The following AGAP1 variants were observed in gnomAD, a reference collection of about 807,000 sequenced individuals.
The protein encoded by AGAP1 is arf-GAP with GTPase, ANK repeat and PH domain-containing protein 1.
AGAP1 carries 29 observed loss-of-function variants against 105.3 expected under a neutral mutation model. The ratio of observed to expected loss-of-function variants is 0.28; its 90% CI spans 0.21 to 0.38. AGAP1 has a LOEUF of 0.38. Among genes scored for constraint, AGAP1 ranks in the 10% least tolerant of loss-of-function variants. The probability of loss-of-function intolerance (pLI) is 1.00; values close to 1 mark genes in which losing one functional copy is unlikely to be tolerated. For synonymous variants in AGAP1, 509 were observed against 485.9 expected (o/e 1.05, Z -0.63); for missense variants, 998 against 1,165.1 (o/e 0.86, Z 2.09).
In AGAP1 at chr2:236,089,139, G is replaced by A. The variant is rs148119705; in HGVS notation, c.2115-31053G>A. On this transcript the variant is annotated intron_variant, in intron 16 of 17. Coordinates refer to ENST00000304032, the MANE Select transcript of AGAP1 (RefSeq NM_001037131.3). The surrounding 1 kb of genome is among the most constrained non-coding windows in gnomAD (Gnocchi z 5.6). ...AAAGGGTCCAAGTCAGACCGCTCAC[G>A]TGGGTGGCAGCGTCCAAGTCCAGTT... Among the ~76,000 whole-genome samples the A allele has an allele frequency of 1.2e-4, 19 of 152,354 alleles. No individual in the cohort carries two copies. The highest frequency in any genetic ancestry group is 6.2e-4 in the South Asian group (3 of 4,830).
rs1377689003 is a variant in AGAP1, at chr2:235,909,007, C to A, written c.1324+101C>A. ...CTCCTAGGTTAAGTGGAGACAGTAA[C>A]TATCACATTACAGATTAAGGTTTAG... On this transcript the variant is annotated intron_variant, in intron 11 of 17. Coordinates refer to ENST00000304032, the MANE Select transcript of AGAP1 (RefSeq NM_001037131.3). 4.4e-6 allele frequency: 5 copies of A among 1,147,396 alleles called. No homozygotes were observed. In the East Asian group the frequency reaches 9.6e-5, roughly 22 times the overall value. The allele number at this position is 1,147,396 out of a possible 1,614,324, so 71.1% of individuals were successfully genotyped here. A position where few individuals can be genotyped will look rare whatever the true frequency, so the allele number is the denominator to read the frequency against.
chr2:235,931,740 C>T lies in AGAP1; in HGVS notation c.1483+817C>T, dbSNP rs370792166. Among the ~76,000 whole-genome samples the T allele has an allele frequency of 1.2e-4, 18 of 152,004 alleles. No homozygotes were observed. The highest frequency in any genetic ancestry group is 4.1e-4 in the African/African-American group (17 of 41,378). On this transcript the variant is annotated intron_variant, in intron 12 of 17. Transcript: ENST00000304032. This position sits in a 1 kb window ranked among gnomAD's most constrained non-coding sequence, Gnocchi z 5.6. Reference sequence around the variant, plus strand: ...AGACCCACCAGCTGCTGCAGCAGGACGTTTGCTTTGGGTAAACATCATCCT... The same window carrying T: ...AGACCCACCAGCTGCTGCAGCAGGATGTTTGCTTTGGGTAAACATCATCCT...
intron 1 of AGAP1, among the ~76,000 whole-genome samples, chr2:235,676,229 A>G (rs1948728943): frequency 1.3e-5 from 2 of 152,230 alleles, no homozygotes; most frequent in Admixed American, 6.5e-5. Flanking sequence ...ATTTCTCTGC[A>G]TAGCATATCT....
chr2:236,111,620 GTC>G (rs764947428), intron 16 of AGAP1, among the ~76,000 whole-genome samples: 350 of 151,660 alleles, frequency 2.3e-3, no homozygotes, highest in Non-Finnish European at 2.7e-3. Context: ...GTGCAACCCC[GTC>G]TCTACAAAAA....
chr2:235,897,199 C>T lies in AGAP1; in HGVS notation c.1156-11539C>T, dbSNP rs148634257. On this transcript the variant is annotated intron_variant, in intron 10 of 17. Transcript: ENST00000304032. The stretch of plus-strand genomic sequence containing the variant: ...CAGGGTTCAAGCAATTCCACCATGC[C>T]CGGCTAATTTTTATATTGTTGGTAG... 1.4e-4 allele frequency among the ~76,000 whole-genome samples: 21 copies of T among 152,204 alleles called. No homozygotes were observed. In the East Asian group the frequency reaches 3.9e-3, roughly 28 times the overall value.
chr2:235,856,825 A>G (rs1165277361), intron 9 of AGAP1, among the ~76,000 whole-genome samples: 1 of 152,212 alleles, frequency 6.6e-6, no homozygotes, highest in African/African-American at 2.4e-5. Context: ...CCTGCTTGAC[A>G]CTCAGACCTG....
At chr2:235,546,314 G>A (rs1943620471) in intron 1 of AGAP1, among the ~76,000 whole-genome samples, 1 of 152,178 alleles carries the variant, frequency 6.6e-6, no homozygotes, top group Non-Finnish European at 1.5e-5. Context: ...GCCTTTTCAG[G>A]TCCTTGATTA....
At chr2:235,968,366 A>C (rs1188398599) in intron 12 of AGAP1, 96 bp from the exon 13 acceptor site, 1 of 1,436,686 alleles carries the variant, frequency 7.0e-7, no homozygotes, top group Non-Finnish European at 9.3e-7. Flanking sequence ...GTGTGGTATG[A>C]GAGGAGCGTG....
chr2:235,804,280 C>T (rs991688846), intron 8 of AGAP1, among the ~76,000 whole-genome samples: 4 of 151,942 alleles, frequency 2.6e-5, no homozygotes, highest in South Asian at 2.1e-4. Context: ...TTTATAATAA[C>T]GATGTTATTT....
chr2:235,836,725 TCTC>T (rs1253642595), intron 9 of AGAP1, among the ~76,000 whole-genome samples: 1 of 152,136 alleles, frequency 6.6e-6, no homozygotes, highest in Non-Finnish European at 1.5e-5. Flanking sequence ...CATCCACTCT[TCTC>T]AAGGAGCGGG....
chr2:235,878,708 T>C (rs551869828), intron 9 of AGAP1, among the ~76,000 whole-genome samples: 6 of 152,354 alleles, frequency 3.9e-5, no homozygotes, highest in South Asian at 4.1e-4. Flanking sequence ...GCTCACATTA[T>C]ATTTCAGTGG....
In AGAP1 at chr2:235,631,967, G is replaced by A. The variant is rs915190688; in HGVS notation, c.164-77212G>A. On this transcript the variant is annotated intron_variant, in intron 1 of 17. Coordinates refer to ENST00000304032, the MANE Select transcript of AGAP1 (RefSeq NM_001037131.3). This position sits in a 1 kb window ranked among gnomAD's most constrained non-coding sequence, Gnocchi z 5.4. ...TGATGGCTGGCCACCATCTGAGACT[G>A]GGACAGCAAGGGTCATGTTGGCATT... is the stretch of plus-strand genomic sequence containing the variant. 6.6e-6 allele frequency among the ~76,000 whole-genome samples: 1 copy of A among 152,194 alleles called. No homozygotes were observed. Among genetic ancestry groups the A allele is most frequent in the Non-Finnish European group, 1.5e-5 (1 of 68,038 alleles).
rs532127757 is a variant in AGAP1, at chr2:235,521,250, C to G, written c.163+26401C>G. 2.0e-5 allele frequency among the ~76,000 whole-genome samples: 3 copies of G among 152,286 alleles called. 1 individual carries two copies. The South Asian group carries it at 6.2e-4, about 32-fold the overall frequency. ...TTTTAAATCACATGGAATTGGTCTT[C>G]TCTGTGACTCTTCTATCCTGGTGGA... On this transcript the variant is annotated intron_variant, in intron 1 of 17. Transcript: ENST00000304032.
intron 9 of AGAP1, among the ~76,000 whole-genome samples, chr2:235,809,936 A>G (rs1958042107): frequency 6.6e-6 from 1 of 152,182 alleles, no homozygotes; most frequent in Admixed American, 6.5e-5. Context: ...TGCCACAGTT[A>G]TGGTAGCTGT....
chr2:235,706,734 T>A (rs781049576), intron 1 of AGAP1, among the ~76,000 whole-genome samples: 2 of 152,144 alleles, frequency 1.3e-5, no homozygotes, highest in Non-Finnish European at 2.9e-5. Context: ...GGGTGTGGTT[T>A]GTTACAGTGC....
chr2:236,124,369 G>T lies in AGAP1; in HGVS notation c.*247G>T. On this transcript the variant is annotated 3_prime_UTR_variant, in exon 18 of 18. Transcript: ENST00000304032. This position sits in a 1 kb window ranked among gnomAD's most constrained non-coding sequence, Gnocchi z 5.1. ...ATAAACTCCCCTAAACCACACACAG[G>T]AGAGAGCGACGGGCCTCGGCCCTTT... The T allele has an allele frequency of 1.8e-6, 1 of 563,864 alleles. No homozygotes were observed. The highest frequency in any genetic ancestry group is 3.2e-6 in the Non-Finnish European group (1 of 314,762). The allele number at this position is 563,864 out of a possible 1,614,324, so 34.9% of individuals were successfully genotyped here. A position where few individuals can be genotyped will look rare whatever the true frequency, so the allele number is the denominator to read the frequency against.
At chr2:235,581,420 A>G (rs13387428) in intron 1 of AGAP1, among the ~76,000 whole-genome samples, 92,956 of 150,492 alleles carry the variant, frequency 0.62, 31,284 homozygotes, top group African/African-American at 0.91. Context: ...TTAAGAATTC[A>G]ATCATGAAGA....
rs565323665 is a variant in AGAP1 at position 235,643,370 on chromosome 2, G to GCAGT, written c.164-65808_164-65805dup. Among the ~76,000 whole-genome samples, 19 of 140,518 alleles carry GCAGT rather than the reference G, an allele frequency of 1.4e-4. 2 individuals carry two copies. The South Asian group carries it at 4.3e-3, about 32-fold the overall frequency. The allele number at this position is 140,518 out of a possible 152,430, so 92.2% of individuals were successfully genotyped here. A position where few individuals can be genotyped will look rare whatever the true frequency, so the allele number is the denominator to read the frequency against. ...TGCTTGAACCTGGGAGGCGGAGGTT[G>GCAGT]CAGTGAGCCGAGATTGTGCCATTGC... On this transcript the variant is annotated intron_variant, in intron 1 of 17. Coordinates refer to ENST00000304032, the MANE Select transcript of AGAP1 (RefSeq NM_001037131.3).
At position 235,723,765 on chromosome 2, in the gene AGAP1, C is replaced by CATTG. The variant is rs1553614562; in HGVS notation, c.310+6121_310+6122insATTG. ...ATATGGATTGAGTGGGAGCTTTTAT[C>CATTG]GTTGGTTGGTTGGTTGGTTGGTTGG... On this transcript the variant is annotated intron_variant, in intron 3 of 17. Coordinates refer to ENST00000304032, the MANE Select transcript of AGAP1 (RefSeq NM_001037131.3). The surrounding 1 kb of genome is among the most constrained non-coding windows in gnomAD (Gnocchi z 6.2). Among the ~76,000 whole-genome samples the CATTG allele has an allele frequency of 6.7e-6, 1 of 149,894 alleles. No homozygotes were observed. Among genetic ancestry groups the CATTG allele is most frequent in the Non-Finnish European group, 1.5e-5 (1 of 67,516 alleles).
Sources: allele counts gnomAD v4.1 joint callset (sites outside exome capture counted in the v4.1 genomes callset), GRCh38; gene constraint gnomAD v4.1.1; non-coding constraint Gnocchi (gnomAD v3.1); transcripts MANE v1.5; gene names NCBI Gene and HGNC (gene_info 2026-07-23, HGNC 2026-07-21).